PDPR: variants seen among roughly 807,000 people sequenced by gnomAD.
PDPR encodes the protein pyruvate dehydrogenase phosphatase regulatory subunit.
PDPR carries 50 observed loss-of-function variants against 102.2 expected under a neutral mutation model. That is an observed-to-expected ratio of 0.49 (90% CI 0.39 to 0.62). The LOEUF (loss-of-function observed/expected upper bound fraction) is 0.62, where lower values mean the gene tolerates loss of function less well. Among genes scored for constraint, PDPR ranks in the 20% least tolerant of loss-of-function variants. The pLI is 0.00. For missense variants in PDPR, 625 were observed against 1,098.2 expected (o/e 0.57, Z 6.09); for synonymous variants, 259 against 406.0 (o/e 0.64, Z 4.35).
chr16:70,147,674 G>A (rs1416232904), intron 16 of PDPR: 3 of 452,832 alleles, frequency 6.6e-6, no homozygotes, highest in Non-Finnish European at 8.9e-6. Context: ...CAACTTCCAG[G>A]TGGTTACTGA....
chr16:70,139,945 G>C (rs1965540235), intron 11 of PDPR, among the ~76,000 whole-genome samples: 1 of 152,246 alleles, frequency 6.6e-6, no homozygotes, highest in South Asian at 2.1e-4. Context: ...GCTCACTTTT[G>C]GCCTGGGAAG....
chr16:70,134,221 TTATG>T (rs1340070064), intron 9 of PDPR, among the ~76,000 whole-genome samples: 1 of 152,170 alleles, frequency 6.6e-6, no homozygotes, highest in African/African-American at 2.4e-5. Context: ...TTTTATTTAT[TTATG>T]TATCCATTCA....
intron 3 of PDPR, among the ~76,000 whole-genome samples, chr16:70,120,931 C>CTTTTTTT (rs71385643): frequency 9.7e-6 from 1 of 103,052 alleles, no homozygotes; most frequent in African/African-American, 3.9e-5. Context: ...TTTCGTTTTC[C>CTTTTTTT]TTTTTTTTTT....
chr16:70,163,095 C>T (rs1468732442), downstream of PDPR, among the ~76,000 whole-genome samples: 36 of 152,322 alleles, frequency 2.4e-4, no homozygotes, highest in Non-Finnish European at 3.5e-4. Context: ...ATTACAGGCA[C>T]GCGCCACCAT....
chr16:70,134,797 A>T (rs12928912), intron 9 of PDPR, among the ~76,000 whole-genome samples: 18,684 of 144,782 alleles, frequency 0.13, 133 homozygotes, highest in African/African-American at 0.16. Context: ...AAAAAAAAAA[A>T]AATAATAATA....
rs769314871 is a variant in PDPR at position 70,142,425 on chromosome 16, T to A, written c.1471+36T>A. ...ACATTCTCATTTTTGCTTCTTTTTTTTTTTTTTGTCCTGGGAATTAATAAA... is the reference window on the plus strand; with the variant it reads ...ACATTCTCATTTTTGCTTCTTTTTTATTTTTTTGTCCTGGGAATTAATAAA... On this transcript the variant is annotated intron_variant, in intron 12 of 18. Transcript: ENST00000288050. The A allele has an allele frequency of 1.9e-6, 3 of 1,613,322 alleles. No individual in the cohort carries two copies. In the East Asian group the frequency reaches 6.7e-5, roughly 36 times the overall value.
intron 17 of PDPR, among the ~76,000 whole-genome samples, chr16:70,152,385 G>A (rs35342581): frequency 0.23 from 32,563 of 143,668 alleles, 1,105 homozygotes; most frequent in Non-Finnish European, 0.3. Flanking sequence ...TGGGTGTGGC[G>A]GCAGCCACCT....
At chr16:70,116,510 C>T (rs1236307255) in intron 2 of PDPR, among the ~76,000 whole-genome samples, 1 of 144,902 alleles carries the variant, frequency 6.9e-6, no homozygotes, top group African/African-American at 2.6e-5. Context: ...AGTTCAGGAC[C>T]AGCCTGGGCA....
At chr16:70,138,099 TG>T (rs1170611004) in intron 10 of PDPR, among the ~76,000 whole-genome samples, 3 of 145,976 alleles carry the variant, frequency 2.1e-5, no homozygotes, top group African/African-American at 7.6e-5. Flanking sequence ...TGGAGTGCAA[TG>T]GCACAATCTC....
intron 11 of PDPR, among the ~76,000 whole-genome samples, chr16:70,139,433 C>T (rs545274805): frequency 6.6e-6 from 1 of 152,358 alleles, no homozygotes; most frequent in South Asian, 2.1e-4. Context: ...AATGCTTTCT[C>T]ACTCCCCACT....
At chr16:70,135,771 A>T (rs987816520) in intron 9 of PDPR, among the ~76,000 whole-genome samples, 2 of 152,244 alleles carry the variant, frequency 1.3e-5, no homozygotes, top group African/African-American at 4.8e-5. Flanking sequence ...GCTCGTCTTT[A>T]AAAAAATCTC....
chr16:70,125,986 T>C (rs1963922953), intron 3 of PDPR, among the ~76,000 whole-genome samples: 1 of 152,282 alleles, frequency 6.6e-6, no homozygotes, highest in South Asian at 2.1e-4. Context: ...AGTTAAGTTC[T>C]AGTTATATTC....
At chr16:70,134,190 T>G (rs1964856414) in intron 9 of PDPR, among the ~76,000 whole-genome samples, 2 of 152,234 alleles carry the variant, frequency 1.3e-5, no homozygotes, top group African/African-American at 4.8e-5. Flanking sequence ...TAGTGTAGTA[T>G]TTTATTAAAT....
intron 13 of PDPR, 44 bp downstream of exon 13, chr16:70,142,730 C>T: frequency 6.2e-7 from 1 of 1,612,650 alleles, no homozygotes; most frequent in Non-Finnish European, 8.5e-7. Context: ...GGAAACTTTA[C>T]ATATTTATTG....
rs1384504112 is a variant in PDPR at position 70,160,750 on chromosome 16, T to G, written c.*3871T>G. ...AGTATATTACCTGCCGTTGCATGCA[T>G]TTGAAAGTTAGCCTCCTCCCTTGCC... On this transcript the variant is annotated 3_prime_UTR_variant, in exon 19 of 19. Transcript: ENST00000288050. The G allele has an allele frequency of 1.3e-5, 2 of 152,480 alleles. No individual in the cohort carries two copies. Among genetic ancestry groups the G allele is most frequent in the African/African-American group, 4.8e-5 (2 of 41,484 alleles). 9.4% of individuals were successfully genotyped at this position (152,480 alleles called of 1,614,324 possible).
chr16:70,128,542 A>T (rs552975175), intron 4 of PDPR, among the ~76,000 whole-genome samples: 1 of 152,252 alleles, frequency 6.6e-6, no homozygotes, highest in Admixed American at 6.5e-5. Flanking sequence ...ATCTCATTTG[A>T]TCCTCACAAC....
At chr16:70,139,847 C>T (rs572975451) in intron 11 of PDPR, among the ~76,000 whole-genome samples, 2 of 152,370 alleles carry the variant, frequency 1.3e-5, no homozygotes, top group African/African-American at 4.8e-5. Context: ...TTGGCTCTGA[C>T]CACCATTCTT....
chr16:70,118,109 T>A lies in PDPR; in HGVS notation c.-32-2352T>A, dbSNP rs1013000424. Reference sequence around the variant, plus strand: ...CTCTGTCTCAAAAAAAAAAAAAAAATTGCTGAGGAAAAGCAGCAAAAAGGG... The same window carrying A: ...CTCTGTCTCAAAAAAAAAAAAAAAAATGCTGAGGAAAAGCAGCAAAAAGGG... On this transcript the variant is annotated intron_variant, in intron 2 of 18. Coordinates refer to ENST00000288050, the MANE Select transcript of PDPR (RefSeq NM_017990.5). Among the ~76,000 whole-genome samples, 431 of 147,678 alleles carry A rather than the reference T, an allele frequency of 2.9e-3. 3 individuals carry two copies. Among genetic ancestry groups the A allele is most frequent in the African/African-American group, 0.01 (409 of 40,226 alleles).
At chr16:70,148,603 TTC>T in intron 17 of PDPR, 50 bp downstream of exon 17, 2 of 1,475,754 alleles carry the variant, frequency 1.4e-6, no homozygotes, top group East Asian at 4.8e-5. Flanking sequence ...TTCCCTTCCC[TTC>T]CCTTCCCTTC....
Sources: allele counts gnomAD v4.1 joint callset (sites outside exome capture counted in the v4.1 genomes callset), GRCh38; gene constraint gnomAD v4.1.1; transcripts MANE v1.5; gene names NCBI Gene and HGNC (gene_info 2026-07-23, HGNC 2026-07-21).